The following BRCA2 variants were observed in gnomAD, a reference collection of about 807,000 sequenced individuals.
BRCA2 encodes the protein BRCA2 DNA repair associated, also known as breast cancer type 2 susceptibility protein.
In BRCA2, 203 loss-of-function variants were observed where a neutral mutation model predicts 276.7. The observed-to-expected ratio is 0.73, with a 90% confidence interval of 0.65 to 0.82. The LOEUF (loss-of-function observed/expected upper bound fraction) is 0.82. Among genes scored for constraint, BRCA2 ranks in the 40% least tolerant of loss-of-function variants. The pLI, the probability that BRCA2 is intolerant of heterozygous loss-of-function variation, is 0.00. For synonymous variants in BRCA2, 1,289 were observed against 1,338.4 expected (o/e 0.96, Z 0.81); for missense variants, 3,920 against 3,915.0 (o/e 1.00, Z -0.03).
rs2137668181 is a variant in BRCA2 at position 32,398,770 on chromosome 13, A to G, written c.10257A>G (p.Ter3419=). Residue 3419 remains the stop codon, a stop_retained_variant, in exon 27 of 27, where the codon TAA becomes TAG. Coordinates refer to ENST00000380152, the MANE Select transcript of BRCA2 (RefSeq NM_000059.4). ...CAATTACAACTAAAAAATATATCTA[A>G]GCATTTGCAAAGGCGACAATAAATT... ...QDTITTKKYI[*] 6.2e-7 allele frequency: 1 copy of G among 1,613,644 alleles called. No homozygotes were observed. Among genetic ancestry groups the G allele is most frequent in the African/African-American group, 1.3e-5 (1 of 75,024 alleles).
At chr13:32,332,240 T>C in intron 9 of BRCA2, 32 bp from the exon 10 acceptor site, 1 of 1,542,338 alleles carries the variant, frequency 6.5e-7, no homozygotes, top group Non-Finnish European at 8.9e-7. Context: ...GCTTATAAAA[T>C]ATTAATGTGC....
chr13:32,317,199 AAAAC>A (rs568073244), intron 2 of BRCA2, among the ~76,000 whole-genome samples: 90 of 152,350 alleles, frequency 5.9e-4, no homozygotes, highest in African/African-American at 7.9e-4. Flanking sequence ...ACTCTGTCTC[AAAAC>A]AAACAAACAA....
chr13:32,362,817 A>G lies in BRCA2; in HGVS notation c.7976+124A>G, dbSNP rs1165868244. On this transcript the variant is annotated intron_variant, in intron 17 of 26. Transcript: ENST00000380152. ...TTGTCAGTGACAGTTGCCATCCCAC[A>G]CTGCTGTTCTCCTGTCATCCCTAGC... 4 of 1,020,062 alleles carry G rather than the reference A, an allele frequency of 3.9e-6. No individual in the cohort carries two copies. The East Asian group carries it at 7.6e-5, about 19-fold the overall frequency. 63.2% of individuals were successfully genotyped at this position (1,020,062 alleles called of 1,614,324 possible).
In BRCA2 at chr13:32,399,261, G is replaced by T; in HGVS notation, c.*491G>T. The stretch of plus-strand genomic sequence containing the variant: ...TAGATTGTGTCATTAAATGGAATGA[G>T]GTCTCTTAGTACAGTTATTTTGATG... On this transcript the variant is annotated 3_prime_UTR_variant, in exon 27 of 27. Coordinates refer to ENST00000380152, the MANE Select transcript of BRCA2 (RefSeq NM_000059.4). 4.9e-6 allele frequency: 1 copy of T among 202,946 alleles called. No homozygotes were observed. Among genetic ancestry groups the T allele is most frequent in the Non-Finnish European group, 1.0e-5 (1 of 99,234 alleles). The allele number at this position is 202,946 out of a possible 1,614,324, so 12.6% of individuals were successfully genotyped here. A position where few individuals can be genotyped will look rare whatever the true frequency, so the allele number is the denominator to read the frequency against.
At chr13:32,375,461 T>C (rs1435638671) in intron 20 of BRCA2, 1 of 407,256 alleles carries the variant, frequency 2.5e-6, no homozygotes, top group African/African-American at 2.0e-5. Flanking sequence ...GTGTTCTTAA[T>C]GGTATTTAGA....
In BRCA2 at chr13:32,316,454, G is replaced by A. The variant is rs2138697890; in HGVS notation, c.-7G>A. 6.2e-7 allele frequency: 1 copy of A among 1,612,862 alleles called. No homozygotes were observed. The highest frequency in any genetic ancestry group is 8.5e-7 in the Non-Finnish European group (1 of 1,178,920). The stretch of plus-strand genomic sequence containing the variant: ...TACCAAGCATTGGAGGAATATCGTA[G>A]GTAAAAATGCCTATTGGATCCAAAG... On this transcript the variant is annotated 5_prime_UTR_variant, in exon 2 of 27. Transcript: ENST00000380152.
Position 32,319,034 on chromosome 13 carries a change from C to T in BRCA2, c.68-43C>T, listed in dbSNP as rs1358346889. The T allele has an allele frequency of 1.9e-6, 3 of 1,606,938 alleles. No homozygotes were observed. The South Asian group carries it at 3.4e-5, about 18-fold the overall frequency. On this transcript the variant is annotated intron_variant, in intron 2 of 26. Transcript: ENST00000380152. ...TAACTGTTCTGGGTCACAAATTTGT[C>T]TGTCACTGGTTAAAACTAAGGTGGG...
intron 21 of BRCA2, among the ~76,000 whole-genome samples, chr13:32,378,844 T>C (rs2072891526): frequency 6.6e-6 from 1 of 152,166 alleles, no homozygotes; most frequent in South Asian, 2.1e-4. Flanking sequence ...GTTAATGGAA[T>C]TATACTCCTG....
At chr13:32,343,068 T>C (rs1229849250) in intron 11 of BRCA2, among the ~76,000 whole-genome samples, 4 of 151,860 alleles carry the variant, frequency 2.6e-5, no homozygotes, top group African/African-American at 4.8e-5. Context: ...AAAAATCTTA[T>C]GGGACCACTA....
chr13:32,394,611 T>G, intron 24 of BRCA2, 78 bp from the exon 25 acceptor site: 1 of 1,511,116 alleles, frequency 6.6e-7, no homozygotes, highest in African/African-American at 1.4e-5. Flanking sequence ...AATAGGCATA[T>G]TAGAGTTTCC....
chr13:32,337,862 T>C lies in BRCA2; in HGVS notation c.3507T>C (p.Asn1169=). Reference sequence around the variant, plus strand: ...ATGCTGATCTTCATGTCATAATGAATGCCCCATCGATTGGTCAGGTAGACA... The same window carrying C: ...ATGCTGATCTTCATGTCATAATGAACGCCCCATCGATTGGTCAGGTAGACA... The part of the protein sequence containing the change: ...CRDADLHVIM[N]APSIGQVDSS... Residue 1169 remains asparagine, a synonymous_variant, in exon 11 of 27, where the codon AAT becomes AAC. Transcript: ENST00000380152. 6.2e-7 allele frequency: 1 copy of C among 1,614,082 alleles called. No individual in the cohort carries two copies. The highest frequency in any genetic ancestry group is 8.5e-7 in the Non-Finnish European group (1 of 1,179,978).
At position 32,338,913 on chromosome 13, in the gene BRCA2, A is replaced by G. The variant is rs80358690; in HGVS notation, c.4558A>G (p.Thr1520Ala). The G allele has an allele frequency of 6.2e-7, 1 of 1,613,932 alleles. No individual in the cohort carries two copies. Among genetic ancestry groups the G allele is most frequent in the Non-Finnish European group, 8.5e-7 (1 of 1,179,908 alleles). The change falls in exon 11 of 27, where the codon ACT (threonine) becomes GCT (alanine). Residue 1520 changes from threonine (T) to alanine (A), a missense_variant. Thr to Ala is a moderately conservative substitution (Grantham distance 58). This residue lies in a region of BRCA2 where 3,263 missense variants were observed against 3,156.9 expected (regional missense o/e 1.03). Transcript: ENST00000380152. ...ACGTGATGAAAAGATCAAAGAACCT[A>G]CTCTATTGGGTTTTCATACAGCTAG... ...PERDEKIKEP[T>A]LLGFHTASGK...
intron 20 of BRCA2, 77 bp from the exon 21 acceptor site, chr13:32,376,593 T>A (rs2072873374): frequency 6.7e-7 from 1 of 1,503,718 alleles, no homozygotes; most frequent in South Asian, 1.1e-5. Flanking sequence ...TCTTTGGGTG[T>A]TTTATGCTTG....
intron 13 of BRCA2, among the ~76,000 whole-genome samples, chr13:32,351,867 T>C (rs2072654005): frequency 1.3e-5 from 2 of 152,134 alleles, no homozygotes; most frequent in African/African-American, 4.8e-5. Context: ...AGTGGCACGA[T>C]CTTGGCTCAC....
Position 32,323,301 on chromosome 13 carries a change from C to T in BRCA2, c.317-1775C>T, listed in dbSNP as rs563809655. On this transcript the variant is annotated intron_variant, in intron 3 of 26. Coordinates refer to ENST00000380152, the MANE Select transcript of BRCA2 (RefSeq NM_000059.4). ...CTGAGTAGCTGGGACTACAGGCACC[C>T]GCCACCACACCTGGCTGATTTTTTT... Among the ~76,000 whole-genome samples, 291 of 152,092 alleles carry T rather than the reference C, an allele frequency of 1.9e-3. No homozygotes were observed. The highest frequency in any genetic ancestry group is 6.5e-3 in the African/African-American group (269 of 41,520).
Position 32,362,820 on chromosome 13 carries a change from G to A in BRCA2, c.7976+127G>A, listed in dbSNP as rs936689009. 4.0e-6 allele frequency: 4 copies of A among 1,003,316 alleles called. No homozygotes were observed. In the East Asian group the frequency reaches 1.0e-4, roughly 26 times the overall value. 62.2% of individuals were successfully genotyped at this position (1,003,316 alleles called of 1,614,324 possible). ...TCAGTGACAGTTGCCATCCCACACT[G>A]CTGTTCTCCTGTCATCCCTAGCCCC... On this transcript the variant is annotated intron_variant, in intron 17 of 26. Coordinates refer to ENST00000380152, the MANE Select transcript of BRCA2 (RefSeq NM_000059.4).
chr13:32,380,240 A>C (rs1390816276), intron 24 of BRCA2, 95 bp downstream of exon 24: 6 of 1,302,386 alleles, frequency 4.6e-6, no homozygotes, highest in Non-Finnish European at 2.1e-6. Flanking sequence ...CCAGTTGGCA[A>C]ATTTGCTAGC....
At chr13:32,375,503 C>G (rs370433190) in intron 20 of BRCA2, 27 of 320,564 alleles carry the variant, frequency 8.4e-5, no homozygotes, top group African/African-American at 4.1e-4. Context: ...GTTTTCAATT[C>G]ACTTTACCCA....
At chr13:32,357,472 TCCTCACAGTA>T (rs867011150) in intron 15 of BRCA2, among the ~76,000 whole-genome samples, 32 of 152,336 alleles carry the variant, frequency 2.1e-4, no homozygotes, top group Admixed American at 5.2e-4. Flanking sequence ...CATTTTTTTA[TCCTCACAGTA>T]CCTTCCTATG....
Sources: allele counts gnomAD v4.1 joint callset (sites outside exome capture counted in the v4.1 genomes callset), GRCh38; gene constraint gnomAD v4.1.1; regional missense constraint gnomAD v4.1.1; transcripts MANE v1.5; gene names NCBI Gene and HGNC (gene_info 2026-07-23, HGNC 2026-07-21).